Variants in CYTH3 observed in about 807,000 individuals in gnomAD.
CYTH3 encodes the protein cytohesin 3.
Under a neutral mutation model 55.1 loss-of-function variants are expected in CYTH3, and 23 were observed. That is an observed-to-expected ratio of 0.42 (90% confidence interval 0.30 to 0.59). CYTH3 has a LOEUF of 0.59. Among genes scored for constraint, CYTH3 ranks in the 20% least tolerant of loss-of-function variants. The pLI, the probability that CYTH3 is intolerant of heterozygous loss-of-function variation, is 0.20. For missense variants in CYTH3, 413 were observed against 524.8 expected (o/e 0.79, Z 2.08); for synonymous variants, 249 against 194.9 (o/e 1.28, Z -2.31).
intron 1 of CYTH3, among the ~76,000 whole-genome samples, chr7:6,225,933 G>A (rs963034996): frequency 2.0e-5 from 3 of 151,304 alleles, no homozygotes; most frequent in South Asian, 2.1e-4. Flanking sequence ...AGACCACAAC[G>A]CCTCAGCCTT....
chr7:6,210,633 G>A (rs904338141), intron 1 of CYTH3, among the ~76,000 whole-genome samples: 1 of 152,194 alleles, frequency 6.6e-6, no homozygotes, highest in Non-Finnish European at 1.5e-5. Context: ...ATCTAAGACA[G>A]AGTTCATGCT....
intron 1 of CYTH3, among the ~76,000 whole-genome samples, chr7:6,226,001 A>G (rs1285047374): frequency 9.2e-5 from 14 of 152,190 alleles, no homozygotes; most frequent in Non-Finnish European, 1.5e-5. Context: ...TTTTTTTAAA[A>G]ACAAACAAAA....
intron 4 of CYTH3, among the ~76,000 whole-genome samples, chr7:6,178,557 T>G (rs970097748): frequency 4.6e-5 from 7 of 152,242 alleles, no homozygotes; most frequent in Non-Finnish European, 1.0e-4. Context: ...TGAACACTTA[T>G]GTGATGACCA....
chr7:6,222,338 T>G (rs185521313), intron 1 of CYTH3, among the ~76,000 whole-genome samples: 2 of 152,200 alleles, frequency 1.3e-5, no homozygotes, highest in Non-Finnish European at 2.9e-5. Context: ...TCAAGGCAAG[T>G]GCCTCGTGTT....
intron 1 of CYTH3, among the ~76,000 whole-genome samples, chr7:6,231,533 C>G (rs1423328607): frequency 6.6e-6 from 1 of 152,180 alleles, no homozygotes; most frequent in Non-Finnish European, 1.5e-5. Flanking sequence ...AGGAACAGAT[C>G]CACCTCTCAG....
At chr7:6,245,375 C>G (rs778960771) in intron 1 of CYTH3, among the ~76,000 whole-genome samples, 1 of 152,096 alleles carries the variant, frequency 6.6e-6, no homozygotes, top group Admixed American at 6.6e-5. Flanking sequence ...TAGAGAGTTT[C>G]AGGCCCCACA....
At chr7:6,211,889 G>A (rs1175548677) in intron 1 of CYTH3, among the ~76,000 whole-genome samples, 1 of 148,200 alleles carries the variant, frequency 6.7e-6, no homozygotes, top group African/African-American at 2.6e-5. Context: ...AGGAGGCTGA[G>A]GCACAACAAT....
Position 6,166,576 on chromosome 7 carries a change from G to T in CYTH3, c.824-766C>A, listed in dbSNP as rs992223081. Among the ~76,000 whole-genome samples the T allele has an allele frequency of 4.6e-5, 7 of 152,334 alleles. 1 individual carries two copies. Among genetic ancestry groups the T allele is most frequent in the Non-Finnish European group, 1.0e-4 (7 of 68,024 alleles). Reference sequence around the variant, plus strand: ...CCTCCCTAAGTGGGGGCCAGCACGGGCGCTGAGGCCTGGAGGCAAGACTGT... The same window carrying T: ...CCTCCCTAAGTGGGGGCCAGCACGGTCGCTGAGGCCTGGAGGCAAGACTGT... On this transcript the variant is annotated intron_variant, in intron 9 of 12. Coordinates refer to ENST00000350796, the MANE Select transcript of CYTH3 (RefSeq NM_004227.4).
intron 1 of CYTH3, among the ~76,000 whole-genome samples, chr7:6,224,989 A>C (rs1779204418): frequency 6.6e-6 from 1 of 152,226 alleles, no homozygotes; most frequent in Admixed American, 6.5e-5. Context: ...AAATATCAGA[A>C]AGGGCAAATC....
chr7:6,251,565 C>T (rs770108799), intron 1 of CYTH3, among the ~76,000 whole-genome samples: 5 of 152,082 alleles, frequency 3.3e-5, no homozygotes, highest in East Asian at 1.9e-4. Context: ...CAAAATTCTC[C>T]GCCCTTAAAT....
chr7:6,199,710 T>C (rs920348030), intron 1 of CYTH3, among the ~76,000 whole-genome samples: 3 of 152,226 alleles, frequency 2.0e-5, no homozygotes, highest in African/African-American at 2.4e-5. Flanking sequence ...AATGAAAGTC[T>C]TGTAAATGAT....
Position 6,165,571 on chromosome 7 carries a change from T to A in CYTH3, c.946A>T (p.Arg316Trp). The part of the protein sequence containing the change: ...GIIPLENLSI[R>W]EVEDPRKPNC... Reference sequence around the variant, plus strand: ...GGTTTCCGGGGGTCCTCCACCTCCCTGATGCTGAGGTTTTCCAACGGGATG... The same window carrying A: ...GGTTTCCGGGGGTCCTCCACCTCCCAGATGCTGAGGTTTTCCAACGGGATG... The change falls in exon 11 of 13, where the codon AGG (arginine) becomes TGG (tryptophan). Residue 316 changes from arginine to tryptophan, a missense_variant. Transcript: ENST00000350796. The A allele has an allele frequency of 6.2e-7, 1 of 1,614,078 alleles. No individual in the cohort carries two copies. Among genetic ancestry groups the A allele is most frequent in the Non-Finnish European group, 8.5e-7 (1 of 1,179,980 alleles).
At chr7:6,269,732 C>A (rs750546532) in intron 1 of CYTH3, among the ~76,000 whole-genome samples, 1 of 152,188 alleles carries the variant, frequency 6.6e-6, no homozygotes, top group African/African-American at 2.4e-5. Flanking sequence ...CTTGTAACTG[C>A]CTTCCAGCCA....
chr7:6,242,235 C>T (rs1054656342), intron 1 of CYTH3, among the ~76,000 whole-genome samples: 1 of 151,892 alleles, frequency 6.6e-6, no homozygotes, highest in African/African-American at 2.4e-5. Flanking sequence ...CACCACTACG[C>T]CCACCTAATT....
intron 1 of CYTH3, among the ~76,000 whole-genome samples, chr7:6,201,869 T>C (rs1270574408): frequency 1.3e-5 from 2 of 151,294 alleles, no homozygotes; most frequent in African/African-American, 4.9e-5. Flanking sequence ...GAAAGGGAAA[T>C]TAAAACTGGA....
chr7:6,213,301 G>A (rs1379938225), intron 1 of CYTH3, among the ~76,000 whole-genome samples: 1 of 152,120 alleles, frequency 6.6e-6, no homozygotes, highest in African/African-American at 2.4e-5. Flanking sequence ...CATTTTCACG[G>A]TCTTCGTGAA....
At chr7:6,202,044 T>C (rs1353325431) in intron 1 of CYTH3, among the ~76,000 whole-genome samples, 1 of 152,210 alleles carries the variant, frequency 6.6e-6, no homozygotes, top group Non-Finnish European at 1.5e-5. Context: ...TTGAGGTTCC[T>C]CCTCTCAAGA....
intron 4 of CYTH3, among the ~76,000 whole-genome samples, chr7:6,186,638 G>C (rs564333917): frequency 1.3e-5 from 2 of 152,118 alleles, no homozygotes; most frequent in Non-Finnish European, 2.9e-5. Context: ...TATAAAGTCC[G>C]TAACCTCTGG....
intron 4 of CYTH3, 108 bp from the exon 5 acceptor site, chr7:6,178,049 AAAT>A (rs1266901155): frequency 1.3e-6 from 1 of 776,766 alleles, no homozygotes; most frequent in African/African-American, 1.7e-5. Context: ...GACACAGCAA[AAAT>A]AATACCAGAG....
Sources: allele counts gnomAD v4.1 joint callset (sites outside exome capture counted in the v4.1 genomes callset), GRCh38; gene constraint gnomAD v4.1.1; transcripts MANE v1.5; gene names NCBI Gene and HGNC (gene_info 2026-07-23, HGNC 2026-07-21).